CFAP95: variants seen among roughly 807,000 people sequenced by gnomAD.
The protein encoded by CFAP95 is cilia and flagella associated protein 95.
At chr9:69,906,137 A>G in the CFAP95 span, 5 of 1,594,482 alleles carry the variant, frequency 3.1e-6, no homozygotes, top group Non-Finnish European at 4.3e-6. Context: ...GCCAATTTAA[A>G]AATAATGTAT....
At chr9:69,885,315 T>C in the CFAP95 span, among the ~76,000 whole-genome samples, 1 of 151,840 alleles carries the variant, frequency 6.6e-6, no homozygotes, top group Non-Finnish European at 1.5e-5. Context: ...GGAGGTGGGG[T>C]TTTAATTTAT....
the CFAP95 span, among the ~76,000 whole-genome samples, chr9:69,848,756 GGAA>G: frequency 1.3e-5 from 2 of 152,150 alleles, no homozygotes; most frequent in Admixed American, 6.5e-5. Flanking sequence ...CCAAGGTGGA[GGAA>G]TGAGAATCTT....
At chr9:69,856,720 A>G in the CFAP95 span, 1 of 1,364,286 alleles carries the variant, frequency 7.3e-7, no homozygotes, top group East Asian at 2.3e-5. Flanking sequence ...GACATGCAGA[A>G]AGGACTTGTA....
the CFAP95 span, among the ~76,000 whole-genome samples, chr9:69,845,107 A>C: frequency 2.0e-5 from 3 of 152,218 alleles, no homozygotes; most frequent in Non-Finnish European, 2.9e-5. Flanking sequence ...TTTTGTGCTT[A>C]TCTTAAGCTG....
chr9:69,830,725 G>T, the CFAP95 span, among the ~76,000 whole-genome samples: 1 of 152,116 alleles, frequency 6.6e-6, no homozygotes, highest in Non-Finnish European at 1.5e-5. Flanking sequence ...ATAGCTCATG[G>T]TAACTTCAAA....
the CFAP95 span, among the ~76,000 whole-genome samples, chr9:69,855,241 A>G: frequency 5.3e-5 from 8 of 152,068 alleles, no homozygotes; most frequent in African/African-American, 1.7e-4. Flanking sequence ...CCTCTATTTT[A>G]TGTTTGGCAA....
At chr9:69,887,695 C>G in the CFAP95 span, among the ~76,000 whole-genome samples, 1 of 152,218 alleles carries the variant, frequency 6.6e-6, no homozygotes, top group Non-Finnish European at 1.5e-5. Flanking sequence ...GCACAAGCCA[C>G]TCACCATTGA....
At chr9:69,893,505 G>C in the CFAP95 span, among the ~76,000 whole-genome samples, 2 of 152,136 alleles carry the variant, frequency 1.3e-5, no homozygotes, top group Admixed American at 1.3e-4. Flanking sequence ...TCCTCTCTTT[G>C]TATCTTTGCT....
the CFAP95 span, among the ~76,000 whole-genome samples, chr9:69,869,048 G>A: frequency 6.6e-6 from 1 of 152,164 alleles, no homozygotes; most frequent in Non-Finnish European, 1.5e-5. Context: ...CTGTTGGTGG[G>A]TGTGTAAAAT....
the CFAP95 span, among the ~76,000 whole-genome samples, chr9:69,837,336 C>T: frequency 6.6e-6 from 1 of 151,966 alleles, no homozygotes; most frequent in Non-Finnish European, 1.5e-5. Flanking sequence ...AACTAGTTTA[C>T]AGTCCCACCA....
At chr9:69,888,294 T>C in the CFAP95 span, among the ~76,000 whole-genome samples, 1 of 152,160 alleles carries the variant, frequency 6.6e-6, no homozygotes, top group Non-Finnish European at 1.5e-5. Context: ...TTCTGATTTA[T>C]ATTTTTCTAT....
At chr9:69,887,002 A>G in the CFAP95 span, 1 of 763,494 alleles carries the variant, frequency 1.3e-6, no homozygotes, top group African/African-American at 1.8e-5. Flanking sequence ...AAAGCTTATG[A>G]TATTTTACAT....
the CFAP95 span, among the ~76,000 whole-genome samples, chr9:69,832,625 T>A: frequency 7.0e-6 from 1 of 142,500 alleles, no homozygotes; most frequent in African/African-American, 2.6e-5. Context: ...TTCGGATTTT[T>A]TTTTTTTTTT....
chr9:69,899,453 T>G, the CFAP95 span, among the ~76,000 whole-genome samples: 1 of 152,236 alleles, frequency 6.6e-6, no homozygotes, highest in Non-Finnish European at 1.5e-5. Context: ...TAGTTCTGCT[T>G]TCTATAGAAA....
chr9:69,875,540 T>A, the CFAP95 span, among the ~76,000 whole-genome samples: 1 of 152,114 alleles, frequency 6.6e-6, no homozygotes, highest in Non-Finnish European at 1.5e-5. Context: ...TAGGTTTCTA[T>A]CTGCTTTACA....
At chr9:69,894,791 G>A in the CFAP95 span, among the ~76,000 whole-genome samples, 1 of 152,202 alleles carries the variant, frequency 6.6e-6, no homozygotes, top group South Asian at 2.1e-4. Flanking sequence ...GACAGACACA[G>A]TGGATCACAC....
chr9:69,821,149 G>A, the CFAP95 span: 3 of 1,162,836 alleles, frequency 2.6e-6, no homozygotes, highest in Non-Finnish European at 3.5e-6. Flanking sequence ...GACGACAGAG[G>A]AAACGGAAAA....
At chr9:69,888,065 C>G in the CFAP95 span, among the ~76,000 whole-genome samples, 1 of 151,984 alleles carries the variant, frequency 6.6e-6, no homozygotes, top group African/African-American at 2.4e-5. Context: ...GGAATAGCTA[C>G]CATTTTAGGG....
chr9:69,843,261 T>C, the CFAP95 span, among the ~76,000 whole-genome samples: 1,575 of 152,108 alleles, frequency 0.01, 21 homozygotes, highest in African/African-American at 0.035. Context: ...CTCGGGTACT[T>C]GAGTGTCCCC....
Sources: allele counts gnomAD v4.1 joint callset (sites outside exome capture counted in the v4.1 genomes callset), GRCh38; gene constraint gnomAD v4.1.1; transcripts MANE v1.5; gene names NCBI Gene and HGNC (gene_info 2026-07-23, HGNC 2026-07-21).